The following PAK1 variants were observed in gnomAD, a reference collection of about 807,000 sequenced individuals.
The protein encoded by PAK1 is p21 (RAC1) activated kinase 1.
A neutral mutation model predicts 67.4 loss-of-function variants in PAK1; 29 were observed. The observed-to-expected ratio is 0.43, with a 90% CI of 0.32 to 0.59. The LOEUF is 0.59. PAK1 is among the 20% of genes least tolerant of loss of function. PAK1 has a pLI of 0.07. For missense variants in PAK1, 337 were observed against 670.7 expected (o/e 0.50, Z 5.50); for synonymous variants, 223 against 237.4 (o/e 0.94, Z 0.56).
chr11:77,387,862 A>G (rs1325629834), intron 2 of PAK1, among the ~76,000 whole-genome samples: 2 of 152,242 alleles, frequency 1.3e-5, no homozygotes, highest in Non-Finnish European at 2.9e-5. Context: ...AAGGGCATAT[A>G]CCACTTCAAA....
the PAK1 span, among the ~76,000 whole-genome samples, chr11:77,509,140 C>T: frequency 5.9e-5 from 9 of 151,876 alleles, no homozygotes; most frequent in South Asian, 1.9e-3. Flanking sequence ...GGCCTGTAGT[C>T]CCAGCTACTC....
intron 1 of PAK1, among the ~76,000 whole-genome samples, chr11:77,432,327 G>A (rs1955899452): frequency 6.6e-6 from 1 of 152,036 alleles, no homozygotes; most frequent in South Asian, 2.1e-4. Flanking sequence ...AAAACCCACA[G>A]TTAATATCAT....
At chr11:77,384,794 T>A (rs917950522) in intron 2 of PAK1, among the ~76,000 whole-genome samples, 3 of 152,186 alleles carry the variant, frequency 2.0e-5, no homozygotes, top group African/African-American at 7.2e-5. Flanking sequence ...TCTGGAGTGA[T>A]GAAAATGTAT....
chr11:77,513,628 G>A, the PAK1 span, among the ~76,000 whole-genome samples: 1 of 139,370 alleles, frequency 7.2e-6, no homozygotes, highest in South Asian at 2.3e-4. Flanking sequence ...CCAACATCGG[G>A]CCACTGCACT....
At chr11:77,405,497 A>C (rs1262024957) in intron 1 of PAK1, among the ~76,000 whole-genome samples, 1 of 152,162 alleles carries the variant, frequency 6.6e-6, no homozygotes, top group African/African-American at 2.4e-5. Context: ...AGTAATTCAA[A>C]GGCAGATACA....
intron 1 of PAK1, among the ~76,000 whole-genome samples, chr11:77,465,026 CTGTG>C (rs914848830): frequency 3.4e-5 from 5 of 145,334 alleles, no homozygotes; most frequent in South Asian, 2.2e-4. Context: ...GTGTGTGTGT[CTGTG>C]TGTGTGTGAA....
chr11:77,324,770 CACACACAG>C (rs1443938635), intron 14 of PAK1, among the ~76,000 whole-genome samples: 1 of 119,764 alleles, frequency 8.3e-6, no homozygotes, highest in African/African-American at 5.8e-5. Flanking sequence ...CACACACACA[CACACACAG>C]AGAGAGAGAG....
intron 14 of PAK1, among the ~76,000 whole-genome samples, chr11:77,324,810 GAGAA>G (rs1361327492): frequency 2.0e-5 from 3 of 151,776 alleles, no homozygotes; most frequent in Non-Finnish European, 2.9e-5. Flanking sequence ...GAGAGAGAAA[GAGAA>G]AGAGAGAGAA....
At chr11:77,414,273 G>C (rs1770306032) in intron 1 of PAK1, among the ~76,000 whole-genome samples, 1 of 152,162 alleles carries the variant, frequency 6.6e-6, no homozygotes, top group Admixed American at 6.5e-5. Flanking sequence ...CAAGTCACTG[G>C]GGATAGACAC....
intron 1 of PAK1, among the ~76,000 whole-genome samples, chr11:77,443,684 T>A (rs555522496): frequency 9.2e-5 from 14 of 152,196 alleles, no homozygotes; most frequent in Admixed American, 2.0e-4. Context: ...AAAGACCATG[T>A]TTTTTCCATT....
Position 77,337,349 on chromosome 11 carries a change from C to T in PAK1, c.1191G>A (p.Leu397=). Residue 397 remains leucine, a synonymous_variant, in exon 12 of 15, where the codon TTG becomes TTA. Transcript: ENST00000356341. ...TTAGCTTGACAGAGCCATCCATTCC[C>T]AACAGAATATTGTCACTCTTGATGT... The part of the protein sequence containing the change: ...HRDIKSDNIL[L]GMDGSVKLTD... 6.2e-7 allele frequency: 1 copy of T among 1,606,262 alleles called. No homozygotes were observed. Among genetic ancestry groups the T allele is most frequent in the Non-Finnish European group, 8.5e-7 (1 of 1,173,238 alleles).
the PAK1 span, among the ~76,000 whole-genome samples, chr11:77,499,022 G>A: frequency 4.6e-5 from 7 of 151,680 alleles, no homozygotes; most frequent in Admixed American, 3.3e-4. Context: ...TCTTCAAACT[G>A]CAAGAAATTT....
chr11:77,509,724 A>AACC, the PAK1 span, among the ~76,000 whole-genome samples: 1 of 152,180 alleles, frequency 6.6e-6, no homozygotes, highest in South Asian at 2.1e-4. Flanking sequence ...GGTCATTTAA[A>AACC]AGTATGTGGC....
chr11:77,374,503 A>G (rs1449204163), intron 4 of PAK1, 138 bp from the exon 5 acceptor site: 2 of 646,990 alleles, frequency 3.1e-6, no homozygotes, highest in Non-Finnish European at 5.5e-6. Context: ...TACAGGCTAG[A>G]TATCATGCTA....
chr11:77,368,058 G>A (rs1174940972), intron 5 of PAK1, among the ~76,000 whole-genome samples: 1 of 152,208 alleles, frequency 6.6e-6, no homozygotes, highest in Admixed American at 6.5e-5. Context: ...GCAAGGGGAA[G>A]AAATCATCAA....
rs567811143 is a variant in PAK1 at position 77,397,789 on chromosome 11, C to T, written c.-21-5248G>A. ...ATGCACATAACATCAAAGCCAAAGG[C>T]TTCTTTGGAAGTCATCCAACCTGAC... On this transcript the variant is annotated intron_variant, in intron 1 of 14. Coordinates refer to ENST00000356341, the MANE Select transcript of PAK1 (RefSeq NM_002576.5). 6.6e-5 allele frequency among the ~76,000 whole-genome samples: 10 copies of T among 152,284 alleles called. No individual in the cohort carries two copies. In the East Asian group the frequency reaches 1.2e-3, roughly 18 times the overall value.
At chr11:77,345,115 ATT>A (rs1321149730) in intron 9 of PAK1, among the ~76,000 whole-genome samples, 2 of 152,164 alleles carry the variant, frequency 1.3e-5, no homozygotes, top group Non-Finnish European at 2.9e-5. Flanking sequence ...ATAAGATCAT[ATT>A]TATCCCTCTC....
chr11:77,505,388 A>G, the PAK1 span, among the ~76,000 whole-genome samples: 1 of 152,176 alleles, frequency 6.6e-6, no homozygotes, highest in Non-Finnish European at 1.5e-5. Flanking sequence ...AGATTTCATC[A>G]TATTGGCCAG....
chr11:77,393,228 T>C (rs1031813087), intron 1 of PAK1, among the ~76,000 whole-genome samples: 35 of 151,550 alleles, frequency 2.3e-4, no homozygotes, highest in Admixed American at 6.6e-5. Flanking sequence ...CCTGAGACTA[T>C]ATAATCTCTC....
Sources: allele counts gnomAD v4.1 joint callset (sites outside exome capture counted in the v4.1 genomes callset), GRCh38; gene constraint gnomAD v4.1.1; transcripts MANE v1.5; gene names NCBI Gene and HGNC (gene_info 2026-07-23, HGNC 2026-07-21).